Variants in PLEKHA7 observed in about 807,000 individuals in gnomAD.
The protein encoded by PLEKHA7 is pleckstrin homology domain containing A7.
PLEKHA7 carries 104 observed loss-of-function variants against 170.0 expected under a neutral mutation model. The ratio of observed to expected loss-of-function variants is 0.61; its 90% confidence interval spans 0.52 to 0.72. The LOEUF (loss-of-function observed/expected upper bound fraction) is 0.72. PLEKHA7 is among the 30% of genes least tolerant of loss of function. The pLI is 0.00. For missense variants in PLEKHA7, 1,615 were observed against 1,671.7 expected (o/e 0.97, Z 0.59); for synonymous variants, 648 against 660.8 (o/e 0.98, Z 0.30).
rs74771952 is a variant in PLEKHA7, at chr11:16,964,119, C to A, written c.221+49870G>T. Among the ~76,000 whole-genome samples, 885 of 152,270 alleles carry A rather than the reference C, an allele frequency of 5.8e-3. 32 individuals carry two copies. In the East Asian group the frequency reaches 0.1, roughly 18 times the overall value. On this transcript the variant is annotated intron_variant, in intron 3 of 26. Coordinates refer to ENST00000531066, the MANE Select transcript of PLEKHA7 (RefSeq NM_001329630.2). ...TACTCAGCATGATGTCTTTGAAGTT[C>A]CTCTGTGTTGTGGCATGTGTCAAAA...
At position 16,945,029 on chromosome 11, in the gene PLEKHA7, C is replaced by T. The variant is rs556329650; in HGVS notation, c.221+68960G>A. Among the ~76,000 whole-genome samples the T allele has an allele frequency of 4.2e-4, 64 of 152,186 alleles. No individual in the cohort carries two copies. In the South Asian group the frequency reaches 0.013, roughly 30 times the overall value. On this transcript the variant is annotated intron_variant, in intron 3 of 26. Transcript: ENST00000531066. ...TCTACTCACTGCAACTTCTGCCTCC[C>T]GGGTTCAAGCAATTCTCCTGCCTCA... is the stretch of plus-strand genomic sequence containing the variant.
At chr11:16,792,688 G>A (rs918052323) in intron 19 of PLEKHA7, among the ~76,000 whole-genome samples, 1 of 152,194 alleles carries the variant, frequency 6.6e-6, no homozygotes, top group African/African-American at 2.4e-5. Context: ...TATAAAACAG[G>A]TGGTCTCTTT....
chr11:16,806,660 G>T (rs1384034571), intron 13 of PLEKHA7, among the ~76,000 whole-genome samples: 1 of 152,318 alleles, frequency 6.6e-6, no homozygotes, highest in East Asian at 1.9e-4. Flanking sequence ...ATGGGCAGGG[G>T]GTGGCATTTT....
intron 3 of PLEKHA7, among the ~76,000 whole-genome samples, chr11:17,009,608 A>C (rs1390717031): frequency 1.3e-5 from 2 of 149,762 alleles, no homozygotes; most frequent in African/African-American, 4.9e-5. Context: ...GAAGTGCTAG[A>C]GTACAAAAAG....
rs1309677040 is a variant in PLEKHA7, at chr11:16,909,618, CT to C, written c.222-38437del. On this transcript the variant is annotated intron_variant, in intron 3 of 26. Transcript: ENST00000531066. ...CCTGGGCCACACTCTCACTCTGCCC[CT>C]GTGACACCTCAGTCATGCTCCCTCT... Among the ~76,000 whole-genome samples the C allele has an allele frequency of 3.3e-5, 5 of 152,210 alleles. No individual in the cohort carries two copies. The East Asian group carries it at 9.6e-4, about 29-fold the overall frequency.
chr11:16,810,844 G>A (rs1367945732), intron 13 of PLEKHA7, among the ~76,000 whole-genome samples: 1 of 152,206 alleles, frequency 6.6e-6, no homozygotes, highest in African/African-American at 2.4e-5. Context: ...TTTAGGGTGA[G>A]AGCCGCACCC....
At chr11:16,832,144 G>A (rs983766179) in intron 9 of PLEKHA7, among the ~76,000 whole-genome samples, 1 of 152,146 alleles carries the variant, frequency 6.6e-6, no homozygotes, top group Non-Finnish European at 1.5e-5. Flanking sequence ...TAAAAAGCTG[G>A]GTAGAAGGTG....
At chr11:16,916,341 G>A (rs1285515068) in intron 3 of PLEKHA7, among the ~76,000 whole-genome samples, 1 of 152,186 alleles carries the variant, frequency 6.6e-6, no homozygotes, top group African/African-American at 2.4e-5. Flanking sequence ...TTCTTTGGCT[G>A]TGCAGAAGCG....
intron 4 of PLEKHA7, among the ~76,000 whole-genome samples, chr11:16,866,621 T>C (rs550524144): frequency 6.2e-4 from 95 of 152,034 alleles, no homozygotes; most frequent in African/African-American, 2.3e-3. Context: ...CAGAGCAGAG[T>C]CCATCAGGTG....
At chr11:16,987,619 C>T (rs12574051) in intron 3 of PLEKHA7, among the ~76,000 whole-genome samples, 2 of 152,184 alleles carry the variant, frequency 1.3e-5, no homozygotes, top group African/African-American at 4.8e-5. Context: ...AAAACAGCCT[C>T]CCAGGAACTC....
chr11:16,822,502 GAAAAAAAAAAAA>G (rs775136335), intron 10 of PLEKHA7, among the ~76,000 whole-genome samples: 73 of 78,930 alleles, frequency 9.2e-4, no homozygotes, highest in African/African-American at 4.2e-3. Context: ...TTTGGTAGGG[GAAAAAAAAAAAA>G]AAAAAAAAAA....
chr11:16,942,923 C>A (rs1360407738), intron 3 of PLEKHA7, among the ~76,000 whole-genome samples: 1 of 152,158 alleles, frequency 6.6e-6, no homozygotes, highest in Non-Finnish European at 1.5e-5. Flanking sequence ...TCAATAAAAC[C>A]ACCAGTGACA....
At chr11:16,788,992 G>A in intron 23 of PLEKHA7, 104 bp downstream of exon 23, 3 of 1,381,872 alleles carry the variant, frequency 2.2e-6, no homozygotes, top group South Asian at 2.6e-5. Context: ...GTAGGTCAAT[G>A]GACAGCTCTC....
intron 3 of PLEKHA7, among the ~76,000 whole-genome samples, chr11:16,956,327 G>A (rs560251596): frequency 9.2e-5 from 14 of 152,312 alleles, no homozygotes; most frequent in African/African-American, 3.1e-4. Flanking sequence ...CCACATGCAC[G>A]TGTTGAATAC....
intron 3 of PLEKHA7, among the ~76,000 whole-genome samples, chr11:16,916,310 C>T (rs557751364): frequency 5.7e-4 from 87 of 152,236 alleles, no homozygotes; most frequent in African/African-American, 2.0e-3. Context: ...TTGTAGGTTG[C>T]CTGTTCACTC....
chr11:16,880,389 C>G (rs1346243671), intron 3 of PLEKHA7, among the ~76,000 whole-genome samples: 1 of 152,210 alleles, frequency 6.6e-6, no homozygotes, highest in East Asian at 1.9e-4. Flanking sequence ...TCCGACTCTG[C>G]ATTGTTGTTA....
intron 3 of PLEKHA7, among the ~76,000 whole-genome samples, chr11:16,940,984 T>C (rs1232097249): frequency 6.6e-6 from 1 of 152,176 alleles, no homozygotes; most frequent in Non-Finnish European, 1.5e-5. Flanking sequence ...CTCCACTCTC[T>C]GGATAAACGA....
intron 13 of PLEKHA7, 144 bp downstream of exon 13, chr11:16,812,969 C>A: frequency 3.3e-6 from 2 of 614,324 alleles, no homozygotes; most frequent in East Asian, 2.8e-5. Context: ...TAAAGTTCTT[C>A]TGATTCAAGA....
chr11:16,940,226 G>T (rs1293832082), intron 3 of PLEKHA7, among the ~76,000 whole-genome samples: 1 of 151,568 alleles, frequency 6.6e-6, no homozygotes, highest in African/African-American at 2.4e-5. Flanking sequence ...CTGAAAAAAT[G>T]GAAGAACTAT....
Sources: gnomAD v4.1 joint callset for allele counts (sites outside exome capture counted in the v4.1 genomes callset) on GRCh38, gnomAD v4.1.1 for gene constraint, MANE v1.5 for transcripts, NCBI Gene and HGNC (gene_info 2026-07-23, HGNC 2026-07-21) for gene names.